KLKB1: variants seen among roughly 807,000 people sequenced by gnomAD.
The protein encoded by KLKB1 is kallikrein B1, also known as plasma kallikrein.
In KLKB1, 58 loss-of-function variants were observed where a neutral mutation model predicts 73.6. The observed-to-expected ratio is 0.79, with a 90% CI of 0.64 to 0.98. KLKB1 has a LOEUF of 0.98. Ranked by LOEUF, KLKB1 falls within the 50% of genes least tolerant of loss-of-function variation. The pLI is 0.00. For synonymous variants in KLKB1, 280 were observed against 258.1 expected, an observed-to-expected ratio of 1.08 and a Z score of -0.81; for missense variants, 737 against 763.8, an observed-to-expected ratio of 0.96 and a Z score of 0.41.
At chr4:186,253,552 G>A (rs138405956) in intron 11 of KLKB1, among the ~76,000 whole-genome samples, 11 of 152,260 alleles carry the variant, frequency 7.2e-5, no homozygotes, top group African/African-American at 2.4e-4. Context: ...TGAAGGCTCA[G>A]TATTGTGAGT....
chr4:186,235,912 G>A (rs946142026), intron 4 of KLKB1, among the ~76,000 whole-genome samples: 1 of 151,684 alleles, frequency 6.6e-6, no homozygotes, highest in African/African-American at 2.4e-5. Context: ...TCAGGAGATC[G>A]AGACCATCCT....
At chr4:186,234,156 C>A in intron 4 of KLKB1, 98 bp downstream of exon 4, 1 of 884,606 alleles carries the variant, frequency 1.1e-6, no homozygotes, top group Non-Finnish European at 1.9e-6. Context: ...TTTTGGAAGG[C>A]ATCACTCATA....
At position 186,258,230 on chromosome 4, in the gene KLKB1, A is replaced by G; in HGVS notation, c.*18A>G. On this transcript the variant is annotated 3_prime_UTR_variant, in exon 15 of 15. Coordinates refer to ENST00000264690, the MANE Select transcript of KLKB1 (RefSeq NM_000892.5). ...CAGCATGAGAAGCAGTCCAGAGTCTAGGCAATTTTTACAACCTGAGTTCAA... is the reference window on the plus strand; with the variant it reads ...CAGCATGAGAAGCAGTCCAGAGTCTGGGCAATTTTTACAACCTGAGTTCAA... 3 of 1,609,638 alleles carry G rather than the reference A, an allele frequency of 1.9e-6. No homozygotes were observed. The highest frequency in any genetic ancestry group is 2.5e-6 in the Non-Finnish European group (3 of 1,177,444).
At chr4:186,255,205 G>T (rs908282007) in intron 12 of KLKB1, among the ~76,000 whole-genome samples, 8 of 152,134 alleles carry the variant, frequency 5.3e-5, no homozygotes, top group Admixed American at 5.2e-4. Context: ...CCAGAGCATC[G>T]TGGTCAGAGG....
intron 5 of KLKB1, among the ~76,000 whole-genome samples, chr4:186,237,611 C>G (rs772164288): frequency 2.0e-5 from 3 of 152,136 alleles, no homozygotes; most frequent in Non-Finnish European, 2.9e-5. Context: ...TTATTTCATT[C>G]ATAGAGCTAA....
chr4:186,255,902 A>G (rs1025664150), intron 12 of KLKB1, 90 bp from the exon 13 acceptor site: 1 of 861,196 alleles, frequency 1.2e-6, no homozygotes, highest in African/African-American at 1.7e-5. Flanking sequence ...CTCTATAGAA[A>G]GAGAAGACAG....
upstream of KLKB1, among the ~76,000 whole-genome samples, chr4:186,224,517 T>C (rs1737107769): frequency 6.6e-6 from 1 of 152,236 alleles, no homozygotes; most frequent in African/African-American, 2.4e-5. Flanking sequence ...AGCTTTAAAA[T>C]TTAATGACTT....
chr4:186,239,849 G>C (rs1737920294), intron 6 of KLKB1, among the ~76,000 whole-genome samples: 1 of 150,340 alleles, frequency 6.7e-6, no homozygotes, highest in Non-Finnish European at 1.5e-5. Context: ...TTATAGGACA[G>C]TGATATAGGA....
At chr4:186,236,659 ATAGC>A in intron 4 of KLKB1, 118 bp from the exon 5 acceptor site, 1 of 839,492 alleles carries the variant, frequency 1.2e-6, no homozygotes, top group Non-Finnish European at 2.0e-6. Context: ...CTTAGTTAAT[ATAGC>A]AGTTGCCAAA....
intron 6 of KLKB1, among the ~76,000 whole-genome samples, chr4:186,249,421 AT>A (rs1738550226): frequency 1.3e-5 from 2 of 152,212 alleles, no homozygotes; most frequent in African/African-American, 4.8e-5. Context: ...TCAATTGTCT[AT>A]AAATGTAAGA....
Position 186,252,205 on chromosome 4 carries a change from C to G in KLKB1, c.1313+20C>G, listed in dbSNP as rs770867096. On this transcript the variant is annotated intron_variant, in intron 11 of 14. Transcript: ENST00000264690. The stretch of plus-strand genomic sequence containing the variant: ...TGATGGGTAAGTGTTGGATGCATCT[C>G]ATCCAGAGTCTTATCTTGGCTTTTC... 1 of 1,611,644 alleles carries G rather than the reference C, an allele frequency of 6.2e-7. No homozygotes were observed. Among genetic ancestry groups the G allele is most frequent in the South Asian group, 1.1e-5 (1 of 91,026 alleles).
intron 6 of KLKB1, among the ~76,000 whole-genome samples, chr4:186,244,739 T>C (rs1389696147): frequency 6.6e-6 from 1 of 152,148 alleles, no homozygotes; most frequent in Admixed American, 6.6e-5. Context: ...CTTGTCCGGT[T>C]TTTGGACAGG....
chr4:186,246,149 G>A (rs1204225229), intron 6 of KLKB1, among the ~76,000 whole-genome samples: 1 of 151,962 alleles, frequency 6.6e-6, no homozygotes, highest in African/African-American at 2.4e-5. Flanking sequence ...AGGAGGGGAG[G>A]TGATAGAAGG....
rs138786409 is a variant in KLKB1 at position 186,215,731 on chromosome 4, G to C, written c.201+6459G>C. ...TAGGACTACAGGTGCATGCCACCGT[G>C]CCTGGCTAATTTTTGTAATTTTTCT... is the stretch of plus-strand genomic sequence containing the variant. On this transcript the variant is annotated intron_variant, in intron 2 of 14. Coordinates refer to the KLKB1 transcript ENST00000511608. 4.9e-3 allele frequency among the ~76,000 whole-genome samples: 739 copies of C among 152,196 alleles called. 3 individuals carry two copies. Among genetic ancestry groups the C allele is most frequent in the Middle Eastern group, 0.014 (4 of 294 alleles).
chr4:186,248,531 A>G (rs1328280395), intron 6 of KLKB1, among the ~76,000 whole-genome samples: 2 of 147,070 alleles, frequency 1.4e-5, no homozygotes, highest in East Asian at 4.0e-4. Flanking sequence ...ATAAGATTCT[A>G]TTGTATGAAT....
chr4:186,256,104 A>G lies in KLKB1; in HGVS notation c.1585+17A>G. On this transcript the variant is annotated intron_variant, in intron 13 of 14. Transcript: ENST00000264690. ...AGGAGAAAGGTAAGCATGACGCTTT[A>G]AATATTGCTTCTAGAGTAAGTCTCA... 1 of 1,492,200 alleles carries G rather than the reference A, an allele frequency of 6.7e-7. No individual in the cohort carries two copies. The highest frequency in any genetic ancestry group is 9.4e-7 in the Non-Finnish European group (1 of 1,068,890). 92.4% of individuals were successfully genotyped at this position (1,492,200 alleles called of 1,614,324 possible). A position where few individuals can be genotyped will look rare whatever the true frequency, so the allele number is the denominator to read the frequency against.
intron 2 of KLKB1, among the ~76,000 whole-genome samples, chr4:186,231,546 T>C (rs1737399135): frequency 6.6e-6 from 1 of 152,242 alleles, no homozygotes; most frequent in South Asian, 2.1e-4. Flanking sequence ...AGGAACAATG[T>C]TTAGCATTGC....
At chr4:186,246,728 G>T (rs35792324) in intron 6 of KLKB1, among the ~76,000 whole-genome samples, 5 of 151,400 alleles carry the variant, frequency 3.3e-5, no homozygotes, top group Admixed American at 2.0e-4. Context: ...GAGAAGGGGT[G>T]GGGGGGTGCT....
chr4:186,247,550 T>C lies in KLKB1; in HGVS notation c.599-2693T>C, dbSNP rs139655265. On this transcript the variant is annotated intron_variant, in intron 6 of 14. Coordinates refer to ENST00000264690, the MANE Select transcript of KLKB1 (RefSeq NM_000892.5). ...CTTCAGTTACTTCAGGCCATCTGGA[T>C]GTATGCATGTAGGCTTGGGCCCAGA... is the stretch of plus-strand genomic sequence containing the variant. 5.6e-3 allele frequency among the ~76,000 whole-genome samples: 855 copies of C among 152,312 alleles called. 7 individuals are homozygous for C. Among genetic ancestry groups the C allele is most frequent in the East Asian group, 0.016 (84 of 5,174 alleles).
Sources: gnomAD v4.1 joint callset for allele counts (sites outside exome capture counted in the v4.1 genomes callset) on GRCh38, gnomAD v4.1.1 for gene constraint, MANE v1.5 for transcripts, NCBI Gene and HGNC (gene_info 2026-07-23, HGNC 2026-07-21) for gene names.